PHTF2: variants seen among roughly 807,000 people sequenced by gnomAD.
PHTF2 encodes protein PHTF2.
In PHTF2, 60 loss-of-function variants were observed where a neutral mutation model predicts 101.2. The observed-to-expected ratio is 0.59, with a 90% confidence interval of 0.48 to 0.73. The LOEUF is 0.73. Ranked by LOEUF, PHTF2 falls within the 30% of genes least tolerant of loss-of-function variation. PHTF2 has a pLI of 0.00. For synonymous variants in PHTF2, 311 were observed against 307.3 expected, an observed-to-expected ratio of 1.01 and a Z score of -0.13; for missense variants, 747 against 908.7, an observed-to-expected ratio of 0.82 and a Z score of 2.29.
chr7:77,910,071 G>T, intron 8 of PHTF2, 174 bp from the exon 8 acceptor site: 1 of 532,056 alleles, frequency 1.9e-6, no homozygotes, highest in Non-Finnish European at 3.3e-6. Context: ...CTAGAAATTG[G>T]TCTTGAATAT....
chr7:77,863,742 G>T (rs1055066069), intron 3 of PHTF2, among the ~76,000 whole-genome samples: 2 of 148,302 alleles, frequency 1.3e-5, no homozygotes, highest in South Asian at 2.1e-4. Context: ...TAACATTTAT[G>T]ATGTGCCTAC....
intron 1 of PHTF2, among the ~76,000 whole-genome samples, chr7:77,805,480 C>T (rs1279845201): frequency 6.6e-6 from 1 of 152,178 alleles, no homozygotes; most frequent in Non-Finnish European, 1.5e-5. Flanking sequence ...TTGCTAGAAT[C>T]TTAAGTTGGA....
At chr7:77,921,031 G>A (rs1213900599) in intron 10 of PHTF2, among the ~76,000 whole-genome samples, 1 of 152,144 alleles carries the variant, frequency 6.6e-6, no homozygotes, top group East Asian at 1.9e-4. Flanking sequence ...TGTTTGTTAA[G>A]CCTTACTTTT....
chr7:77,863,751 A>G (rs1797828253), intron 3 of PHTF2, among the ~76,000 whole-genome samples: 1 of 149,284 alleles, frequency 6.7e-6, no homozygotes. Context: ...TGATGTGCCT[A>G]CTATGTATCA....
At chr7:77,803,310 G>A (rs563449318) in intron 1 of PHTF2, among the ~76,000 whole-genome samples, 2 of 152,316 alleles carry the variant, frequency 1.3e-5, no homozygotes, top group African/African-American at 4.8e-5. Context: ...GAAAGGGGCT[G>A]TTAAAAGTAT....
chr7:77,877,130 T>TTTTTA, intron 3 of PHTF2, among the ~76,000 whole-genome samples: 1 of 151,612 alleles, frequency 6.6e-6, no homozygotes, highest in Admixed American at 6.6e-5. Context: ...TTTTTTTTTT[T>TTTTTA]TTTGAGACAG....
chr7:77,866,903 T>C (rs988423628), intron 3 of PHTF2, among the ~76,000 whole-genome samples: 17 of 152,210 alleles, frequency 1.1e-4, no homozygotes, highest in Non-Finnish European at 7.4e-5. Context: ...GAGTATATGC[T>C]ATGATGAGTA....
intron 7 of PHTF2, among the ~76,000 whole-genome samples, chr7:77,902,740 A>T (rs1349507621): frequency 6.6e-6 from 1 of 152,172 alleles, no homozygotes; most frequent in African/African-American, 2.4e-5. Flanking sequence ...CCATGATTAC[A>T]ATCCTGAATG....
chr7:77,898,016 A>C (rs541548691), intron 5 of PHTF2, among the ~76,000 whole-genome samples: 11 of 151,246 alleles, frequency 7.3e-5, no homozygotes, highest in African/African-American at 2.4e-4. Flanking sequence ...TAAACCTTTA[A>C]ATTATCTTGA....
chr7:77,833,611 A>T (rs934188308), intron 1 of PHTF2, among the ~76,000 whole-genome samples: 32 of 152,124 alleles, frequency 2.1e-4, no homozygotes, highest in Non-Finnish European at 3.7e-4. Flanking sequence ...CAAAAGATTT[A>T]AAAAATAGCC....
At chr7:77,916,415 T>C (rs1023592958) in intron 9 of PHTF2, among the ~76,000 whole-genome samples, 7 of 152,304 alleles carry the variant, frequency 4.6e-5, no homozygotes, top group Admixed American at 4.6e-4. Flanking sequence ...AATGCCAACA[T>C]GAGTCATATA....
At position 77,934,746 on chromosome 7, in the gene PHTF2, G is replaced by A. The variant is rs933712101; in HGVS notation, c.1339-2964G>A. 5.3e-5 allele frequency among the ~76,000 whole-genome samples: 8 copies of A among 152,172 alleles called. No individual in the cohort carries two copies. In the East Asian group the frequency reaches 1.4e-3, roughly 26 times the overall value. The stretch of plus-strand genomic sequence containing the variant: ...GTGGATTACTTGAGGTCAGGAGTTC[G>A]AGACCAGCCTGGCAACATGGTGAAA... On this transcript the variant is annotated intron_variant, in intron 12 of 19. Coordinates refer to ENST00000416283, the Ensembl canonical transcript of PHTF2.
Position 77,899,690 on chromosome 7 carries a change from A to G in PHTF2, c.217-1021A>G, listed in dbSNP as rs1232614825. On this transcript the variant is annotated intron_variant, in intron 5 of 19. Coordinates refer to ENST00000416283, the Ensembl canonical transcript of PHTF2. The stretch of plus-strand genomic sequence containing the variant: ...CAAATATGGTTCTCTTCTTTGTTTT[A>G]GATTCAAACAGAATACTTAATCAGA... 5.3e-5 allele frequency among the ~76,000 whole-genome samples: 8 copies of G among 152,200 alleles called. No individual in the cohort carries two copies. In the South Asian group the frequency reaches 1.7e-3, roughly 32 times the overall value.
At chr7:77,889,640 G>C (rs902299847) in intron 3 of PHTF2, among the ~76,000 whole-genome samples, 1 of 147,064 alleles carries the variant, frequency 6.8e-6, no homozygotes, top group Non-Finnish European at 1.5e-5. Flanking sequence ...CACTAGGCTG[G>C]AGTGCAGTGG....
At chr7:77,909,084 T>C in intron 8 of PHTF2, 126 bp downstream of exon 7, 1 of 546,506 alleles carries the variant, frequency 1.8e-6, no homozygotes, top group South Asian at 3.4e-5. Context: ...AAAAAAACAC[T>C]GAGCTTCAGA....
intron 1 of PHTF2, among the ~76,000 whole-genome samples, chr7:77,814,645 G>T (rs1425558886): frequency 6.6e-6 from 1 of 151,800 alleles, no homozygotes; most frequent in African/African-American, 2.4e-5. Context: ...CCAAGTAGCT[G>T]GGATTACAGG....
chr7:77,872,777 G>A (rs928091665), intron 3 of PHTF2, among the ~76,000 whole-genome samples: 2 of 152,126 alleles, frequency 1.3e-5, no homozygotes, highest in Non-Finnish European at 2.9e-5. Flanking sequence ...AGGTCAGTAG[G>A]TCTAAAGTGA....
chr7:77,891,940 T>C (rs1329403240), intron 3 of PHTF2, among the ~76,000 whole-genome samples: 1 of 152,082 alleles, frequency 6.6e-6, no homozygotes, highest in Non-Finnish European at 1.5e-5. Context: ...AAAAAGAGAA[T>C]AGGATTTACA....
At chr7:77,878,379 A>G (rs1232276007) in intron 3 of PHTF2, among the ~76,000 whole-genome samples, 1 of 152,090 alleles carries the variant, frequency 6.6e-6, no homozygotes, top group Non-Finnish European at 1.5e-5. Flanking sequence ...CAGCTTGTCC[A>G]TTAGAATGCA....
Sources: gnomAD v4.1 joint callset for allele counts (sites outside exome capture counted in the v4.1 genomes callset) on GRCh38, gnomAD v4.1.1 for gene constraint, MANE v1.5 for transcripts, NCBI Gene and HGNC (gene_info 2026-07-23, HGNC 2026-07-21) for gene names.